The following SLC5A11 variants were observed in gnomAD, a reference collection of about 807,000 sequenced individuals.
SLC5A11 encodes solute carrier family 5 member 11, also known as sodium/myo-inositol cotransporter 2.
Under a neutral mutation model 69.8 loss-of-function variants are expected in SLC5A11, and 48 were observed. The ratio of observed to expected loss-of-function variants is 0.69; its 90% CI spans 0.55 to 0.87. SLC5A11 has a LOEUF of 0.87. Among genes scored for constraint, SLC5A11 ranks in the 40% least tolerant of loss-of-function variants. SLC5A11 has a pLI of 0.00. For missense variants in SLC5A11, 784 were observed against 866.1 expected (o/e 0.91, Z 1.19); for synonymous variants, 319 against 342.4 (o/e 0.93, Z 0.75).
chr16:24,846,615 A>T (rs2059024807), intron 1 of SLC5A11, 177 bp downstream of exon 2: 1 of 152,616 alleles, frequency 6.6e-6, no homozygotes, highest in African/African-American at 2.4e-5. Flanking sequence ...TGGGGTGGGC[A>T]TGGTGGTATG....
At chr16:24,892,557 C>T (rs1373503130) in intron 9 of SLC5A11, among the ~76,000 whole-genome samples, 1 of 151,432 alleles carries the variant, frequency 6.6e-6, no homozygotes, top group Non-Finnish European at 1.5e-5. Flanking sequence ...GGCAGGGAGG[C>T]AGGGCGGGTG....
intron 7 of SLC5A11, among the ~76,000 whole-genome samples, chr16:24,883,348 A>G (rs1243392096): frequency 6.6e-6 from 1 of 152,190 alleles, no homozygotes; most frequent in Non-Finnish European, 1.5e-5. Flanking sequence ...CTGGGTTGAC[A>G]GAGTGAGACC....
intron 3 of SLC5A11, among the ~76,000 whole-genome samples, chr16:24,868,371 A>T (rs2152289998): frequency 6.6e-6 from 1 of 151,144 alleles, no homozygotes; most frequent in African/African-American, 2.4e-5. Context: ...TGGGCAGATC[A>T]CGAGGTCAGG....
rs1343795510 is a variant in SLC5A11, at chr16:24,885,975, A to C, written c.664+1844A>C. 3.9e-5 allele frequency among the ~76,000 whole-genome samples: 6 copies of C among 152,038 alleles called. No homozygotes were observed. In the East Asian group the frequency reaches 1.2e-3, roughly 29 times the overall value. On this transcript the variant is annotated intron_variant, in intron 8 of 15. Coordinates refer to ENST00000347898, the Ensembl canonical transcript of SLC5A11. ...GCAGAATTAAACTCCCCACAGGTGG[A>C]TGTAAAGAGCAGAACAAACGCTAAA...
At chr16:24,867,442 T>C (rs2046986108) in intron 3 of SLC5A11, among the ~76,000 whole-genome samples, 1 of 152,094 alleles carries the variant, frequency 6.6e-6, no homozygotes. Flanking sequence ...AATTACCTCA[T>C]CTTTTACATT....
chr16:24,882,201 G>T (rs1211023877), intron 7 of SLC5A11, among the ~76,000 whole-genome samples: 1 of 152,146 alleles, frequency 6.6e-6, no homozygotes, highest in African/African-American at 2.4e-5. Flanking sequence ...ACTTGGTGGG[G>T]AGCTCACCGG....
At position 24,855,671 on chromosome 16, in the gene SLC5A11, AAAAT is replaced by A. The variant is rs58100997; in HGVS notation, c.-24-2925_-24-2922del. On this transcript the variant is annotated intron_variant, in intron 1 of 15. Transcript: ENST00000347898. ...GGACACCAAAGTGAAACCTTGTCTCAAAATAAATAAATAAATAAATAAATAAAAA... is the reference window on the plus strand; with the variant it reads ...GGACACCAAAGTGAAACCTTGTCTCAAAATAAATAAATAAATAAATAAAAA... Among the ~76,000 whole-genome samples, 9 of 150,096 alleles carry A rather than the reference AAAAT, an allele frequency of 6.0e-5. 1 individual carries two copies. Among genetic ancestry groups the A allele is most frequent in the African/African-American group, 1.7e-4 (7 of 40,682 alleles).
intron 1 of SLC5A11, among the ~76,000 whole-genome samples, chr16:24,848,723 T>C (rs545493099): frequency 1.4e-4 from 21 of 152,264 alleles, no homozygotes; most frequent in Non-Finnish European, 3.1e-4. Flanking sequence ...GAGGCCACAG[T>C]GAGCTCTGAT....
At chr16:24,883,934 T>A (rs1307150224) in intron 7 of SLC5A11, 117 bp from the exon 9 acceptor site, 1 of 846,168 alleles carries the variant, frequency 1.2e-6, no homozygotes, top group African/African-American at 1.7e-5. Context: ...ATCTTTGCAA[T>A]CAGTCAGCAC....
At chr16:24,846,341 ATCCCGGGTATC>A (rs2059011519) in exon 1 of SLC5A11, 1 of 152,278 alleles carries the variant, frequency 6.6e-6, no homozygotes, top group Non-Finnish European at 1.5e-5. Flanking sequence ...AAGAGAGAGG[ATCCCGGGTATC>A]TCCCTCCTTA....
chr16:24,900,194 T>TC (rs1420566810), intron 10 of SLC5A11, among the ~76,000 whole-genome samples: 6 of 152,290 alleles, frequency 3.9e-5, no homozygotes, highest in Non-Finnish European at 7.4e-5. Flanking sequence ...TCCTCTCTTT[T>TC]CCCCTGAAAC....
At chr16:24,854,407 C>G (rs1170851854) in intron 1 of SLC5A11, among the ~76,000 whole-genome samples, 1 of 151,888 alleles carries the variant, frequency 6.6e-6, no homozygotes, top group East Asian at 1.9e-4. Flanking sequence ...CTCTCAGAGC[C>G]ATCACTCCCC....
intron 9 of SLC5A11, among the ~76,000 whole-genome samples, chr16:24,892,049 TAAAAA>T (rs35705061): frequency 1.0e-5 from 1 of 97,060 alleles, no homozygotes; most frequent in African/African-American, 3.8e-5. Flanking sequence ...AGACCATCTC[TAAAAA>T]AAAAAAAAAA....
chr16:24,875,460 T>C (rs2047606394), intron 5 of SLC5A11, among the ~76,000 whole-genome samples, 167 bp from the exon 7 acceptor site: 2 of 152,134 alleles, frequency 1.3e-5, no homozygotes, highest in South Asian at 4.1e-4. Flanking sequence ...GGGAACCAAC[T>C]GTGCTGGGCC....
intron 1 of SLC5A11, among the ~76,000 whole-genome samples, chr16:24,854,134 T>G (rs1307835380): frequency 6.6e-6 from 1 of 152,182 alleles, no homozygotes; most frequent in Non-Finnish European, 1.5e-5. Flanking sequence ...GGCAGAGGTC[T>G]GGAAGGGGCG....
intron 7 of SLC5A11, among the ~76,000 whole-genome samples, chr16:24,881,707 G>A (rs2048053967): frequency 6.6e-6 from 1 of 152,136 alleles, no homozygotes. Context: ...GAGAAGGGCT[G>A]CAGTAAACAC....
At position 24,861,565 on chromosome 16, in the gene SLC5A11, AAGAG is replaced by A. The variant is rs769694775; in HGVS notation, c.136-1030_136-1027del. ...AAAGAAAAATAAAAGAAAAGAAAGAAAGAGAGAGAAAGAAAGAGAAAGAGAAAGG... is the reference window on the plus strand; with the variant it reads ...AAAGAAAAATAAAAGAAAAGAAAGAAAGAGAAAGAAAGAGAAAGAGAAAGG... On this transcript the variant is annotated intron_variant, in intron 2 of 15. Transcript: ENST00000347898. Among the ~76,000 whole-genome samples, 15 of 149,616 alleles carry A rather than the reference AAGAG, an allele frequency of 1.0e-4. No homozygotes were observed. In the South Asian group the frequency reaches 1.7e-3, roughly 17 times the overall value.
chr16:24,893,650 A>G (rs1233368687), intron 9 of SLC5A11, among the ~76,000 whole-genome samples: 2 of 152,072 alleles, frequency 1.3e-5, no homozygotes. Context: ...GGCTCACTGC[A>G]ACCTCTGCCT....
chr16:24,874,549 A>G (rs2047543584), intron 5 of SLC5A11, among the ~76,000 whole-genome samples: 2 of 151,928 alleles, frequency 1.3e-5, no homozygotes, highest in South Asian at 4.2e-4. Context: ...ATGTGTAGTG[A>G]TATCTCACTG....
Sources: gnomAD v4.1 joint callset for allele counts (sites outside exome capture counted in the v4.1 genomes callset) on GRCh38, gnomAD v4.1.1 for gene constraint, MANE v1.5 for transcripts, NCBI Gene and HGNC (gene_info 2026-07-23, HGNC 2026-07-21) for gene names.